Variants in SGCZ observed in about 807,000 individuals in gnomAD.
SGCZ encodes the protein zeta-sarcoglycan.
A neutral mutation model predicts 41.3 loss-of-function variants in SGCZ; 40 were observed. That is an observed-to-expected ratio of 0.97 (90% CI 0.75 to 1.26). SGCZ has a LOEUF of 1.26. Ranked by LOEUF, SGCZ falls within the 50% of genes most tolerant of loss-of-function variation. The pLI is 0.00. For missense variants in SGCZ, 552 were observed against 369.8 expected (o/e 1.49, Z -4.04); for synonymous variants, 206 against 137.5 (o/e 1.50, Z -3.49).
chr8:14,528,701 T>C (rs185865820), intron 2 of SGCZ, among the ~76,000 whole-genome samples: 5 of 152,066 alleles, frequency 3.3e-5, no homozygotes, highest in African/African-American at 1.2e-4. Flanking sequence ...GGGAAGAAGC[T>C]GAGGTTGTCC....
chr8:14,338,031 T>C lies in SGCZ; in HGVS notation c.235-13827A>G, dbSNP rs539991470. Among the ~76,000 whole-genome samples the C allele has an allele frequency of 5.3e-5, 8 of 152,260 alleles. 1 individual carries two copies. Among genetic ancestry groups the C allele is most frequent in the African/African-American group, 1.9e-4 (8 of 41,562 alleles). ...AAATGTTTCTTCAACAAAGGTCCTG[T>C]TCAATTGGTAGCAGGCAAGATATCA... On this transcript the variant is annotated intron_variant, in intron 2 of 7. Coordinates refer to ENST00000382080, the MANE Select transcript of SGCZ (RefSeq NM_139167.4).
At chr8:14,268,464 A>C (rs1269127592) in intron 3 of SGCZ, among the ~76,000 whole-genome samples, 1 of 151,646 alleles carries the variant, frequency 6.6e-6, no homozygotes, top group Non-Finnish European at 1.5e-5. Context: ...TCAAATAGTT[A>C]ATACTTGCAT....
chr8:14,478,117 T>A (rs1252309922), intron 2 of SGCZ, among the ~76,000 whole-genome samples: 1 of 152,216 alleles, frequency 6.6e-6, no homozygotes, highest in Non-Finnish European at 1.5e-5. Flanking sequence ...TTACATCACT[T>A]TGGAAGACAG....
At chr8:15,165,728 AC>A (rs1461018640) in intron 1 of SGCZ, among the ~76,000 whole-genome samples, 3 of 152,212 alleles carry the variant, frequency 2.0e-5, no homozygotes, top group Admixed American at 6.5e-5. Flanking sequence ...TGGAAATGTA[AC>A]CTTTTGCTTA....
chr8:14,382,506 A>C (rs773134148), intron 2 of SGCZ, among the ~76,000 whole-genome samples: 31 of 152,160 alleles, frequency 2.0e-4, no homozygotes, highest in Non-Finnish European at 3.8e-4. Context: ...ATTATATATG[A>C]GTCAGCAACT....
chr8:14,678,105 G>C (rs1419970005), intron 1 of SGCZ, among the ~76,000 whole-genome samples: 1 of 152,048 alleles, frequency 6.6e-6, no homozygotes, highest in African/African-American at 2.4e-5. Flanking sequence ...TAACATAGGA[G>C]AAAATCTAGA....
intron 1 of SGCZ, among the ~76,000 whole-genome samples, chr8:15,148,553 C>G (rs1799095263): frequency 6.6e-6 from 1 of 152,188 alleles, no homozygotes; most frequent in Non-Finnish European, 1.5e-5. Flanking sequence ...TCCCCATTGT[C>G]CTAAATATCC....
chr8:14,288,545 T>A (rs531883661), intron 3 of SGCZ, among the ~76,000 whole-genome samples: 12 of 152,282 alleles, frequency 7.9e-5, no homozygotes, highest in African/African-American at 2.9e-4. Flanking sequence ...ATGACCTTTT[T>A]GGTCAGACTT....
At chr8:14,595,459 G>T (rs1805381445) in intron 1 of SGCZ, among the ~76,000 whole-genome samples, 1 of 150,268 alleles carries the variant, frequency 6.7e-6, no homozygotes, top group Admixed American at 6.7e-5. Context: ...CTGATGGGTG[G>T]CTGGAAAGAG....
intron 4 of SGCZ, among the ~76,000 whole-genome samples, chr8:14,206,636 C>T (rs369530852): frequency 7.9e-5 from 12 of 152,212 alleles, no homozygotes; most frequent in South Asian, 4.1e-4. Context: ...GTTTATAGAA[C>T]GATGTTCACT....
chr8:14,656,990 T>A (rs1807598180), intron 1 of SGCZ, among the ~76,000 whole-genome samples: 1 of 151,994 alleles, frequency 6.6e-6, no homozygotes, highest in Non-Finnish European at 1.5e-5. Context: ...TATGTCTATA[T>A]ATAAAATTTG....
At chr8:15,021,664 T>A (rs1019857978) in intron 1 of SGCZ, among the ~76,000 whole-genome samples, 13 of 152,314 alleles carry the variant, frequency 8.5e-5, no homozygotes, top group African/African-American at 2.9e-4. Flanking sequence ...TTAATCCACA[T>A]ATGGTTTCTC....
chr8:14,997,014 G>C (rs942281076), intron 1 of SGCZ, among the ~76,000 whole-genome samples: 1 of 152,180 alleles, frequency 6.6e-6, no homozygotes, highest in Admixed American at 6.5e-5. Context: ...TAGTTATGTT[G>C]TGGGATTTCT....
At chr8:14,797,684 T>C (rs888870663) in intron 1 of SGCZ, among the ~76,000 whole-genome samples, 1 of 152,190 alleles carries the variant, frequency 6.6e-6, no homozygotes, top group African/African-American at 2.4e-5. Context: ...CTCCAAGGCA[T>C]GTCAGAGACC....
At chr8:14,775,922 G>A (rs977465274) in intron 1 of SGCZ, among the ~76,000 whole-genome samples, 1 of 152,102 alleles carries the variant, frequency 6.6e-6, no homozygotes, top group South Asian at 2.1e-4. Flanking sequence ...GTGACTGGGA[G>A]GTGGAAGGAA....
intron 1 of SGCZ, among the ~76,000 whole-genome samples, chr8:15,015,738 T>A (rs915974436): frequency 3.7e-4 from 51 of 139,426 alleles, no homozygotes; most frequent in African/African-American, 1.4e-3. Flanking sequence ...TGTGTGTGTG[T>A]GTGTGTGTGT....
intron 1 of SGCZ, among the ~76,000 whole-genome samples, chr8:14,645,950 C>A (rs1807200615): frequency 6.6e-6 from 1 of 151,838 alleles, no homozygotes; most frequent in Non-Finnish European, 1.5e-5. Context: ...TCTTACTATG[C>A]ACAACTTTAT....
chr8:14,747,691 A>ATTATG (rs571553565), intron 1 of SGCZ, among the ~76,000 whole-genome samples: 1 of 131,722 alleles, frequency 7.6e-6, no homozygotes, highest in East Asian at 2.2e-4. Flanking sequence ...TATTATTATT[A>ATTATG]TGTGTGTGTG....
At chr8:14,785,198 T>A (rs1398636313) in intron 1 of SGCZ, among the ~76,000 whole-genome samples, 3 of 151,518 alleles carry the variant, frequency 2.0e-5, no homozygotes, top group Non-Finnish European at 4.4e-5. Context: ...TGGAAATTGT[T>A]ATAAAGTTCA....
Sources: gnomAD v4.1 joint callset for allele counts (sites outside exome capture counted in the v4.1 genomes callset) on GRCh38, gnomAD v4.1.1 for gene constraint, MANE v1.5 for transcripts, NCBI Gene and HGNC (gene_info 2026-07-23, HGNC 2026-07-21) for gene names.